CYP4F8: variants seen among roughly 807,000 people sequenced by gnomAD.
CYP4F8 encodes cytochrome P450 family 4 subfamily F member 8.
In CYP4F8, 56 loss-of-function variants were observed where a neutral mutation model predicts 55.0. That is an observed-to-expected ratio of 1.02 (90% confidence interval 0.82 to 1.27). The LOEUF (loss-of-function observed/expected upper bound fraction) is 1.27. Among genes scored for constraint, CYP4F8 ranks in the 50% most tolerant of loss-of-function variants. The probability of loss-of-function intolerance (pLI) is 0.00; values close to 1 mark genes in which losing one functional copy is unlikely to be tolerated. For synonymous variants in CYP4F8, 288 were observed against 267.3 expected (o/e 1.08, Z -0.76); for missense variants, 680 against 682.4 (o/e 1.00, Z 0.04).
At chr19:15,615,837 T>G in intron 2 of CYP4F8, 23 bp downstream of exon 2, 1 of 1,595,154 alleles carries the variant, frequency 6.3e-7, no homozygotes, top group South Asian at 1.1e-5. Flanking sequence ...AGGATGGATC[T>G]AGTGTCTCAG....
rs1972225911 is a variant in CYP4F8, at chr19:15,623,748, A to G, written c.968A>G (p.Asp323Gly). 6.2e-7 allele frequency: 1 copy of G among 1,613,792 alleles called. No homozygotes were observed. The highest frequency in any genetic ancestry group is 8.5e-7 in the Non-Finnish European group (1 of 1,180,032). Residue 323 changes from aspartate to glycine, a missense_variant, in exon 8 of 13, where the codon GAC becomes GGC. Coordinates refer to ENST00000612078, the MANE Select transcript of CYP4F8 (RefSeq NM_007253.4). ...GATGAGGACATAAGAGCAGAAGCTG[A>G]CACTTTCATGTTTGGAGGTGAGTGT... ...LSDEDIRAEA[D>G]TFMFGGHDTT...
At chr19:15,622,114 A>C in intron 5 of CYP4F8, 105 bp from the exon 6 acceptor site, 1 of 1,440,904 alleles carries the variant, frequency 6.9e-7, no homozygotes, top group Non-Finnish European at 9.2e-7. Flanking sequence ...CTGGGACAGA[A>C]AACCAGGAGC....
At chr19:15,622,054 G>A in intron 5 of CYP4F8, 165 bp from the exon 6 acceptor site, 1 of 869,204 alleles carries the variant, frequency 1.2e-6, no homozygotes. Context: ...TCTCCTAATA[G>A]TAACAGCTTC....
chr19:15,628,604 C>T lies in CYP4F8; in HGVS notation c.1314+9C>T, dbSNP rs1270580888. 1 of 1,613,100 alleles carries T rather than the reference C, an allele frequency of 6.2e-7. No homozygotes were observed. The highest frequency in any genetic ancestry group is 8.5e-7 in the Non-Finnish European group (1 of 1,179,436). On this transcript the variant is annotated intron_variant, in intron 11 of 12. Coordinates refer to ENST00000612078, the MANE Select transcript of CYP4F8 (RefSeq NM_007253.4). ...TCTGGCCAGACCCTGAGGTGCTGCCCCTCCCTGTTTCTCCATCCCCCGGGC... is the reference window on the plus strand; with the variant it reads ...TCTGGCCAGACCCTGAGGTGCTGCCTCTCCCTGTTTCTCCATCCCCCGGGC...
intron 3 of CYP4F8, chr19:15,619,058 A>C (rs1310010077): frequency 5.6e-6 from 1 of 177,608 alleles, no homozygotes; most frequent in Non-Finnish European, 1.2e-5. Context: ...AACCCCACGC[A>C]GTCTAAGCCA....
chr19:15,628,337 G>T lies in CYP4F8; in HGVS notation c.1151G>T (p.Cys384Phe), dbSNP rs771359507. 5.0e-6 allele frequency: 8 copies of T among 1,614,060 alleles called. 2 individuals carry two copies. The South Asian group carries it at 8.8e-5, about 18-fold the overall frequency. The change falls in exon 10 of 13, where the codon TGC (cysteine) becomes TTC (phenylalanine). Residue 384 changes from cysteine (C) to phenylalanine (F), a missense_variant. Coordinates refer to ENST00000612078, the MANE Select transcript of CYP4F8 (RefSeq NM_007253.4). ...GCCCAGTTGCCCTTCCTGACCATGT[G>T]CCTGAAGGAGAGCCTGCGGTTGCAT... Reference protein sequence around the residue: ...DLAQLPFLTMCLKESLRLHPP... With the variant: ...DLAQLPFLTMFLKESLRLHPP...
intron 3 of CYP4F8, chr19:15,618,505 G>A (rs1193269371): frequency 3.2e-5 from 12 of 376,972 alleles, no homozygotes; most frequent in Non-Finnish European, 5.7e-5. Context: ...CAGAGCATAG[G>A]AGAACAAGGT....
intron 9 of CYP4F8, among the ~76,000 whole-genome samples, chr19:15,625,871 G>A (rs1269981799): frequency 6.6e-6 from 1 of 152,064 alleles, no homozygotes; most frequent in South Asian, 2.1e-4. Context: ...ATTACAAAAT[G>A]GTGGATACTT....
intron 4 of CYP4F8, 35 bp downstream of exon 4, chr19:15,619,578 C>G: frequency 6.2e-7 from 1 of 1,614,150 alleles, no homozygotes; most frequent in Non-Finnish European, 8.5e-7. Flanking sequence ...CGGGGACCAA[C>G]TTTTGTGGCC....
intron 3 of CYP4F8, 122 bp from the exon 4 acceptor site, chr19:15,619,368 C>A: frequency 8.3e-7 from 1 of 1,202,266 alleles, no homozygotes; most frequent in Admixed American, 2.5e-5. Context: ...CCCATGGCCT[C>A]CTTCCTGCTA....
rs1305461656 is a variant in CYP4F8, at chr19:15,628,535, T to C, written c.1254T>C (p.Asn418=). ...CTGTCCTCTCCTGCACGACAGGGAA[T>C]GTCTGTAACATCAACATCTTCGCAA... is the stretch of plus-strand genomic sequence containing the variant. ...LPDSRVIPKG[N]VCNINIFAIH... is the part of the protein sequence containing the mutation. The change falls in exon 11 of 13, where the codon AAT becomes AAC. Residue 418 remains asparagine (N), a synonymous_variant. Transcript: ENST00000612078. 1 of 1,613,928 alleles carries C rather than the reference T, an allele frequency of 6.2e-7. No homozygotes were observed. The highest frequency in any genetic ancestry group is 8.5e-7 in the Non-Finnish European group (1 of 1,179,858).
intron 9 of CYP4F8, among the ~76,000 whole-genome samples, chr19:15,626,106 T>C (rs1972258457): frequency 6.6e-6 from 1 of 152,256 alleles, no homozygotes; most frequent in South Asian, 2.1e-4. Context: ...CTTTTAGCTA[T>C]GATCTAGTCC....
intron 3 of CYP4F8, chr19:15,619,195 T>G: frequency 5.4e-6 from 2 of 371,006 alleles, no homozygotes; most frequent in Non-Finnish European, 4.9e-6. Flanking sequence ...TTTTGTAGAG[T>G]GTTGACTTAT....
At chr19:15,622,381 GGGGT>G in intron 6 of CYP4F8, 41 bp downstream of exon 6, 11 of 1,594,530 alleles carry the variant, frequency 6.9e-6, no homozygotes, top group African/African-American at 1.3e-5. Context: ...GGATGGAGTG[GGGGT>G]GTGGGTGTGG....
At chr19:15,625,314 A>G (rs1972247621) in intron 9 of CYP4F8, among the ~76,000 whole-genome samples, 1 of 141,980 alleles carries the variant, frequency 7.0e-6, no homozygotes, top group Non-Finnish European at 1.5e-5. Flanking sequence ...ACAAATTCAC[A>G]AGAAACTATG....
chr19:15,622,121 G>A, intron 5 of CYP4F8, 98 bp from the exon 6 acceptor site: 1 of 1,462,602 alleles, frequency 6.8e-7, no homozygotes. Context: ...AGAAAACCAG[G>A]AGCATGCCTC....
Position 15,629,306 on chromosome 19 carries a change from T to A in CYP4F8, c.1511T>A (p.Ile504Asn). The change falls in exon 13 of 13, where the codon ATT (isoleucine) becomes AAT (asparagine). Residue 504 changes from isoleucine (I) to asparagine (N), a missense_variant. Transcript: ENST00000612078. ...DHREPRRTPE[I>N]VLRAEDGLWL... Reference sequence around the variant, plus strand: ...AGGGAGCCACGCAGGACGCCGGAGATTGTTTTGCGTGCGGAGGACGGACTT... The same window carrying A: ...AGGGAGCCACGCAGGACGCCGGAGAATGTTTTGCGTGCGGAGGACGGACTT... The A allele has an allele frequency of 6.2e-7, 1 of 1,613,094 alleles. No homozygotes were observed.
chr19:15,621,004 G>A (rs1182158895), intron 5 of CYP4F8, among the ~76,000 whole-genome samples: 3 of 152,124 alleles, frequency 2.0e-5, no homozygotes, highest in African/African-American at 7.2e-5. Flanking sequence ...CTCAGCAAGT[G>A]GCATGTGCAT....
At chr19:15,624,241 G>A in intron 9 of CYP4F8, 147 bp downstream of exon 9, 1 of 1,359,226 alleles carries the variant, frequency 7.4e-7, no homozygotes, top group Non-Finnish European at 9.8e-7. Context: ...CCCAGAAACA[G>A]GCTAGCAAGG....
Sources: allele counts gnomAD v4.1 joint callset (sites outside exome capture counted in the v4.1 genomes callset), GRCh38; gene constraint gnomAD v4.1.1; transcripts MANE v1.5; gene names NCBI Gene and HGNC (gene_info 2026-07-23, HGNC 2026-07-21).